Variants in BRINP1 observed in about 807,000 individuals in gnomAD.
BRINP1 encodes BMP/retinoic acid-inducible neural-specific protein 1.
BRINP1 carries 17 observed loss-of-function variants against 72.9 expected under a neutral mutation model. The observed-to-expected ratio is 0.23, with a 90% confidence interval of 0.16 to 0.35. BRINP1 has a LOEUF of 0.35. BRINP1 is among the 10% of genes least tolerant of loss of function. The pLI is 1.00. For synonymous variants in BRINP1, 418 were observed against 378.5 expected, an observed-to-expected ratio of 1.10 and a Z score of -1.21; for missense variants, 850 against 1,001.6, an observed-to-expected ratio of 0.85 and a Z score of 2.04.
intron 1 of BRINP1, among the ~76,000 whole-genome samples, chr9:119,339,776 A>C (rs1165345161): frequency 6.6e-6 from 1 of 152,202 alleles, no homozygotes; most frequent in Non-Finnish European, 1.5e-5. Context: ...AAGGATTCAA[A>C]TCTAAGGCTC....
intron 5 of BRINP1, among the ~76,000 whole-genome samples, chr9:119,218,606 A>G (rs922753561): frequency 1.3e-5 from 2 of 152,028 alleles, no homozygotes; most frequent in African/African-American, 4.8e-5. Context: ...CTCACAACTA[A>G]GGTAACAGAA....
At chr9:119,186,808 C>A (rs1829626331) in intron 7 of BRINP1, among the ~76,000 whole-genome samples, 1 of 152,186 alleles carries the variant, frequency 6.6e-6, no homozygotes, top group Non-Finnish European at 1.5e-5. Context: ...CAAGCCACAG[C>A]CACGCCCTGC....
intron 5 of BRINP1, among the ~76,000 whole-genome samples, chr9:119,225,950 G>A (rs762981890): frequency 2.6e-5 from 4 of 152,080 alleles, no homozygotes; most frequent in Admixed American, 6.5e-5. Flanking sequence ...ACTTTAAACC[G>A]TAAACATTTA....
At chr9:119,175,564 A>C (rs937900520) in intron 7 of BRINP1, among the ~76,000 whole-genome samples, 1 of 152,144 alleles carries the variant, frequency 6.6e-6, no homozygotes, top group African/African-American at 2.4e-5. Flanking sequence ...CCAGAGCTCC[A>C]AACTCTCCAT....
At chr9:119,342,283 T>C (rs866840504) in intron 1 of BRINP1, among the ~76,000 whole-genome samples, 1 of 152,332 alleles carries the variant, frequency 6.6e-6, no homozygotes. Flanking sequence ...TATGTGAATT[T>C]AAGAAGTGGA....
Position 119,167,016 on chromosome 9 carries a change from G to A in BRINP1, c.*68C>T. ...AAATTTTTGTGGGTTTTTTTGTTTT[G>A]TTTTGCTTCATTTTGTTCTGTTGTG... On this transcript the variant is annotated 3_prime_UTR_variant, in exon 8 of 8. Transcript: ENST00000265922. This position sits in a 1 kb window ranked among gnomAD's most constrained non-coding sequence, Gnocchi z 4.3. 1 of 1,433,450 alleles carries A rather than the reference G, an allele frequency of 7.0e-7. No homozygotes were observed. The highest frequency in any genetic ancestry group is 9.3e-7 in the Non-Finnish European group (1 of 1,076,328). 88.8% of individuals were successfully genotyped at this position (1,433,450 alleles called of 1,614,324 possible). A position where few individuals can be genotyped will look rare whatever the true frequency, so the allele number is the denominator to read the frequency against.
At chr9:119,248,317 A>C (rs1830344199) in intron 3 of BRINP1, among the ~76,000 whole-genome samples, 1 of 152,230 alleles carries the variant, frequency 6.6e-6, no homozygotes, top group South Asian at 2.1e-4. Context: ...TCCTAATATT[A>C]AATGATGCAT....
At chr9:119,250,595 A>G (rs1486432457) in intron 2 of BRINP1, among the ~76,000 whole-genome samples, 1 of 152,240 alleles carries the variant, frequency 6.6e-6, no homozygotes, top group Non-Finnish European at 1.5e-5. Flanking sequence ...TTATTGTTTT[A>G]TAACTTTATT....
intron 1 of BRINP1, among the ~76,000 whole-genome samples, chr9:119,344,041 G>A (rs1831428895): frequency 6.6e-6 from 1 of 152,158 alleles, no homozygotes; most frequent in Admixed American, 6.5e-5. Flanking sequence ...ACAGCATGTT[G>A]GGGAGATGGT....
chr9:119,367,748 A>G (rs1831710346), intron 1 of BRINP1, among the ~76,000 whole-genome samples: 1 of 152,194 alleles, frequency 6.6e-6, no homozygotes, highest in South Asian at 2.1e-4. Flanking sequence ...AATTACTGCC[A>G]CATTCTGTCA....
chr9:119,350,878 C>G (rs1398764367), intron 1 of BRINP1, among the ~76,000 whole-genome samples: 1 of 149,908 alleles, frequency 6.7e-6, no homozygotes, highest in East Asian at 1.9e-4. Context: ...AAATGTATGT[C>G]AAAAACCACA....
At chr9:119,217,964 C>T (rs997222945) in intron 5 of BRINP1, among the ~76,000 whole-genome samples, 7 of 152,064 alleles carry the variant, frequency 4.6e-5, no homozygotes, top group Non-Finnish European at 7.4e-5. Flanking sequence ...ATCCCTTGTC[C>T]TATAATCCAG....
intron 1 of BRINP1, among the ~76,000 whole-genome samples, chr9:119,361,389 T>G (rs1831627176): frequency 1.3e-5 from 2 of 152,214 alleles, no homozygotes; most frequent in African/African-American, 4.8e-5. Context: ...GTGGGTTTCA[T>G]GTTAACCCTT....
chr9:119,280,985 G>A (rs1385908518), intron 2 of BRINP1, among the ~76,000 whole-genome samples: 2 of 152,156 alleles, frequency 1.3e-5, no homozygotes, highest in Non-Finnish European at 2.9e-5. Context: ...TTTGCCCAAT[G>A]TGCCCAGGAA....
At chr9:119,353,859 A>G (rs1396814224) in intron 1 of BRINP1, among the ~76,000 whole-genome samples, 1 of 58,610 alleles carries the variant, frequency 1.7e-5, no homozygotes, top group East Asian at 6.8e-4. Flanking sequence ...TTTTTTTACA[A>G]TTTCACAGCC....
At chr9:119,325,944 C>A (rs1831235807) in intron 1 of BRINP1, among the ~76,000 whole-genome samples, 1 of 152,136 alleles carries the variant, frequency 6.6e-6, no homozygotes, top group Non-Finnish European at 1.5e-5. Context: ...AGACTGTTCC[C>A]TCTCCTTGCA....
At chr9:119,242,984 T>A (rs1830272272) in intron 3 of BRINP1, among the ~76,000 whole-genome samples, 1 of 151,992 alleles carries the variant, frequency 6.6e-6, no homozygotes, top group Admixed American at 6.5e-5. Context: ...TTTTTCTTTT[T>A]TTTTTTTTCA....
intron 1 of BRINP1, among the ~76,000 whole-genome samples, chr9:119,315,258 C>T (rs925930820): frequency 4.0e-5 from 6 of 151,816 alleles, no homozygotes; most frequent in Non-Finnish European, 7.4e-5. Context: ...TCTGTTAACA[C>T]CAATTTTCCA....
chr9:119,346,911 T>A (rs1019465440), intron 1 of BRINP1, among the ~76,000 whole-genome samples: 16 of 152,288 alleles, frequency 1.1e-4, no homozygotes, highest in African/African-American at 3.8e-4. Context: ...ATGACATTAA[T>A]CGGACATGTT....
Sources: gnomAD v4.1 joint callset for allele counts (sites outside exome capture counted in the v4.1 genomes callset) on GRCh38, gnomAD v4.1.1 for gene constraint, Gnocchi (gnomAD v3.1) non-coding constraint, MANE v1.5 for transcripts, NCBI Gene and HGNC (gene_info 2026-07-23, HGNC 2026-07-21) for gene names.